Variants in SLC25A20 observed in about 807,000 individuals in gnomAD.
SLC25A20 encodes mitochondrial carnitine/acylcarnitine carrier protein.
Under a neutral mutation model 39.7 loss-of-function variants are expected in SLC25A20, and 29 were observed. That is an observed-to-expected ratio of 0.73 (90% CI 0.54 to 1.00). The LOEUF (loss-of-function observed/expected upper bound fraction) is 1.00, where lower values mean the gene tolerates loss of function less well. Ranked by LOEUF, SLC25A20 falls within the 50% of genes least tolerant of loss-of-function variation. The pLI, the probability that SLC25A20 is intolerant of heterozygous loss-of-function variation, is 0.00. For synonymous variants in SLC25A20, 103 were observed against 142.2 expected, an observed-to-expected ratio of 0.72 and a Z score of 1.96; for missense variants, 333 against 379.9, an observed-to-expected ratio of 0.88 and a Z score of 1.03.
At chr3:48,881,176 G>C (rs994627029) in intron 3 of SLC25A20, among the ~76,000 whole-genome samples, 1 of 152,116 alleles carries the variant, frequency 6.6e-6, no homozygotes, top group African/African-American at 2.4e-5. Context: ...TTCACCCCAG[G>C]CAGGGCTCAT....
intron 4 of SLC25A20, among the ~76,000 whole-genome samples, chr3:48,870,988 G>T (rs1486710173): frequency 1.3e-5 from 2 of 151,610 alleles, no homozygotes; most frequent in Non-Finnish European, 2.9e-5. Context: ...ACCATGCACG[G>T]CTAATTTTTG....
intron 1 of SLC25A20, 75 bp from the exon 2 acceptor site, chr3:48,892,147 G>T: frequency 9.0e-7 from 1 of 1,107,904 alleles, no homozygotes; most frequent in Non-Finnish European, 1.4e-6. Context: ...CCAACTGTCT[G>T]CCAAACTGAA....
At chr3:48,879,499 G>T in intron 3 of SLC25A20, 51 bp from the exon 4 acceptor site, 1 of 1,219,542 alleles carries the variant, frequency 8.2e-7, no homozygotes, top group South Asian at 1.2e-5. Flanking sequence ...AACCACCGAG[G>T]ACAGAGGCCA....
At chr3:48,868,663 C>A (rs535359538) in intron 4 of SLC25A20, among the ~76,000 whole-genome samples, 46 of 152,122 alleles carry the variant, frequency 3.0e-4, no homozygotes, top group Middle Eastern at 6.8e-3. Flanking sequence ...AAAAAGAAGC[C>A]CCAACAAAAG....
At chr3:48,880,913 G>A (rs2083791310) in intron 3 of SLC25A20, among the ~76,000 whole-genome samples, 1 of 152,074 alleles carries the variant, frequency 6.6e-6, no homozygotes, top group African/African-American at 2.4e-5. Flanking sequence ...CGGTTTGGAG[G>A]CAATGGGGCA....
At chr3:48,872,004 T>TG (rs1195871139) in intron 4 of SLC25A20, among the ~76,000 whole-genome samples, 2,074 of 143,468 alleles carry the variant, frequency 0.014, 64 homozygotes, top group African/African-American at 0.051. Flanking sequence ...TTTTTTTTTT[T>TG]TTTTTTTAGA....
intron 1 of SLC25A20, among the ~76,000 whole-genome samples, chr3:48,894,144 G>A (rs1294507840): frequency 4.2e-5 from 6 of 143,144 alleles, no homozygotes; most frequent in Non-Finnish European, 9.0e-5. Context: ...CTGGGCAAGA[G>A]TGAGACTCCT....
intron 7 of SLC25A20, 133 bp from the exon 8 acceptor site, chr3:48,858,764 C>A: frequency 9.3e-7 from 1 of 1,076,064 alleles, no homozygotes; most frequent in Non-Finnish European, 1.4e-6. Context: ...GACAACAGTT[C>A]ACCTTGGGAC....
intron 4 of SLC25A20, among the ~76,000 whole-genome samples, chr3:48,868,781 A>G (rs1383098639): frequency 6.6e-6 from 1 of 152,226 alleles, no homozygotes; most frequent in Non-Finnish European, 1.5e-5. Flanking sequence ...TGGGAAGCAT[A>G]GACTTTCACC....
intron 4 of SLC25A20, 87 bp downstream of exon 4, chr3:48,879,271 C>G: frequency 2.9e-6 from 3 of 1,036,262 alleles, no homozygotes; most frequent in Non-Finnish European, 4.6e-6. Flanking sequence ...GTCCTGAAGC[C>G]TTTATTAAGG....
intron 2 of SLC25A20, among the ~76,000 whole-genome samples, chr3:48,886,900 A>G (rs1373168178): frequency 1.3e-5 from 2 of 152,224 alleles, no homozygotes; most frequent in African/African-American, 2.4e-5. Context: ...GAGGCTGCAC[A>G]CTGGCAGGGC....
Position 48,884,038 on chromosome 3 carries a change from C to T in SLC25A20, c.285G>A (p.Leu95=). Residue 95 remains leucine (L), a synonymous_variant, in exon 3 of 9, where the codon TTG becomes TTA. Transcript: ENST00000319017. ...MFAVCFFGFG[L]GKKLQQKHPE... ...GGTGTTTCTGTTGTAGTTTCTTCCC[C>T]AAACCAAACCCAAAGAAGCACACGG... The T allele has an allele frequency of 6.2e-7, 1 of 1,613,974 alleles. No homozygotes were observed. Among genetic ancestry groups the T allele is most frequent in the Non-Finnish European group, 8.5e-7 (1 of 1,179,926 alleles).
chr3:48,892,182 T>C (rs764733588), intron 1 of SLC25A20, 110 bp from the exon 2 acceptor site: 19 of 820,650 alleles, frequency 2.3e-5, no homozygotes, highest in Admixed American at 3.7e-5. Flanking sequence ...CCCTTGTACA[T>C]GTCTTTGGCA....
chr3:48,867,424 T>C (rs2083679882), intron 4 of SLC25A20, among the ~76,000 whole-genome samples: 1 of 145,642 alleles, frequency 6.9e-6, no homozygotes, highest in Non-Finnish European at 1.5e-5. Flanking sequence ...TTTTTTTTTT[T>C]TTGTATTTTT....
rs745843452 is a variant in SLC25A20 at position 48,884,083 on chromosome 3, G to A, written c.240C>T (p.Ile80=). 8 of 1,613,698 alleles carry A rather than the reference G, an allele frequency of 5.0e-6. No homozygotes were observed. Among genetic ancestry groups the A allele is most frequent in the Admixed American group, 1.7e-5 (1 of 59,988 alleles). Residue 80 remains isoleucine (I), a synonymous_variant, in exon 3 of 9, where the codon ATC becomes ATT. Coordinates refer to ENST00000319017, the MANE Select transcript of SLC25A20 (RefSeq NM_000387.6). ...ACACGGCAAACATGGGAGTGACCCC[G>A]ATGATAGGGGCAGCCATTCCCCGAT... ...GLYRGMAAPI[I]GVTPMFAVCF...
chr3:48,861,139 A>G (rs1228119257), intron 5 of SLC25A20, among the ~76,000 whole-genome samples: 1 of 151,784 alleles, frequency 6.6e-6, no homozygotes, highest in East Asian at 1.9e-4. Context: ...TATTATTTTA[A>G]TAGAGACAGG....
chr3:48,857,794 G>A (rs1559662820), intron 8 of SLC25A20, 22 bp from the exon 9 acceptor site: 3 of 1,610,054 alleles, frequency 1.9e-6, no homozygotes, highest in East Asian at 2.2e-5. Flanking sequence ...TTGGGAGGAA[G>A]AAAAAAGCCA....
At chr3:48,879,150 G>A (rs533842487) in intron 4 of SLC25A20, among the ~76,000 whole-genome samples, 8 of 152,194 alleles carry the variant, frequency 5.3e-5, no homozygotes, top group South Asian at 2.1e-4. Context: ...GATTACAGGC[G>A]TAAACCACTG....
intron 1 of SLC25A20, among the ~76,000 whole-genome samples, chr3:48,897,092 T>C (rs2083915070): frequency 6.7e-6 from 1 of 150,054 alleles, no homozygotes; most frequent in African/African-American, 2.4e-5. Context: ...TTTTTTTTTT[T>C]TTAACCTTGG....
Sources: gnomAD v4.1 joint callset for allele counts (sites outside exome capture counted in the v4.1 genomes callset) on GRCh38, gnomAD v4.1.1 for gene constraint, MANE v1.5 for transcripts, NCBI Gene and HGNC (gene_info 2026-07-23, HGNC 2026-07-21) for gene names.